Variants in PCGF1 observed in about 807,000 individuals in gnomAD.
PCGF1 encodes polycomb group RING finger protein 1.
PCGF1 carries 10 observed loss-of-function variants against 38.8 expected under a neutral mutation model. The observed-to-expected ratio is 0.26, with a 90% CI of 0.16 to 0.44. The LOEUF is 0.44. Among genes scored for constraint, PCGF1 ranks in the 20% least tolerant of loss-of-function variants. PCGF1 has a pLI of 1.00. For missense variants in PCGF1, 230 were observed against 331.5 expected, an observed-to-expected ratio of 0.69 and a Z score of 2.38; for synonymous variants, 119 against 121.3, an observed-to-expected ratio of 0.98 and a Z score of 0.12.
At chr2:74,506,906 T>A in intron 2 of PCGF1, 22 bp from the exon 3 acceptor site, 2 of 1,613,964 alleles carry the variant, frequency 1.2e-6, no homozygotes, top group Non-Finnish European at 1.7e-6. Context: ...GAAAAGCAGA[T>A]TCTCAGGCCC....
chr2:74,505,230 T>A (rs1674598124), intron 8 of PCGF1, 40 bp from the exon 9 acceptor site: 1 of 1,567,868 alleles, frequency 6.4e-7, no homozygotes. Flanking sequence ...GTGGGGAATG[T>A]TCTTATATTA....
chr2:74,506,693 G>C, intron 3 of PCGF1, 39 bp downstream of exon 3: 1 of 1,610,510 alleles, frequency 6.2e-7, no homozygotes, highest in South Asian at 1.1e-5. Context: ...TCAGCAATTA[G>C]TCCTCAAGAG....
intron 6 of PCGF1, 39 bp downstream of exon 6, chr2:74,505,698 G>A (rs1019802954): frequency 3.7e-6 from 6 of 1,613,946 alleles, no homozygotes; most frequent in Middle Eastern, 1.6e-4. Flanking sequence ...CATGGGAGGT[G>A]AGTCTCCTTA....
chr2:74,506,051 G>A lies in PCGF1; in HGVS notation c.431C>T (p.Ala144Val), dbSNP rs778673634. The change falls in exon 5 of 9, where the codon GCA becomes GTA. Residue 144 changes from alanine to valine, a missense_variant. By Grantham distance (64) the Ala-to-Val change is moderately conservative (BLOSUM62 0). Around this residue, in one of 3 missense-constraint regions of PCGF1, gnomAD observed 144 missense variants for 182.4 expected, o/e 0.79. Coordinates refer to ENST00000233630, the MANE Select transcript of PCGF1 (RefSeq NM_032673.3). ...RVTQPTGEEP[A>V]LSNLGLPFSS... ...GAAGGGGAGGCCGAGGTTGCTCAGT[G>A]CTGGCTCTGAGAAAGATAGGGTAGT... 1.9e-6 allele frequency: 3 copies of A among 1,614,086 alleles called. No homozygotes were observed. In the African/African-American group the frequency reaches 4.0e-5, roughly 22 times the overall value.
intron 1 of PCGF1, 83 bp downstream of exon 1, chr2:74,507,493 C>T: frequency 2.0e-6 from 3 of 1,523,984 alleles, no homozygotes; most frequent in East Asian, 2.5e-5. Flanking sequence ...GCACTGGGCG[C>T]CCGGCCAGCC....
In PCGF1 at chr2:74,506,167, G is replaced by A. The variant is rs758352040; in HGVS notation, c.424+14C>T. 18 of 1,613,906 alleles carry A rather than the reference G, an allele frequency of 1.1e-5. No individual in the cohort carries two copies. In the Admixed American group the frequency reaches 1.2e-4, roughly 10 times the overall value. ...TGCTCTGGGGTCTTTACTGTCCCGC[G>A]GCCAAGGACATACCTTCCCCAGTGG... On this transcript the variant is annotated intron_variant, in intron 4 of 8. Transcript: ENST00000233630.
rs1674675113 is a variant in PCGF1, at chr2:74,507,693, A to C, written c.-25T>G. On this transcript the variant is annotated 5_prime_UTR_variant, in exon 1 of 9. Transcript: ENST00000233630. ...TCTTAAAGGCTGATCCCAGCCGGCC[A>C]CTTCCGGTGCCGCCTGCAGGGCGGG... 9.0e-6 allele frequency: 14 copies of C among 1,549,536 alleles called. No homozygotes were observed. The East Asian group carries it at 3.4e-4, about 38-fold the overall frequency.
Position 74,505,161 on chromosome 2 carries a change from C to T in PCGF1, c.762G>A (p.Val254=). 2 of 1,527,256 alleles carry T rather than the reference C, an allele frequency of 1.3e-6. No individual in the cohort carries two copies. The highest frequency in any genetic ancestry group is 8.8e-7 in the Non-Finnish European group (1 of 1,137,428). The allele number at this position is 1,527,256 out of a possible 1,614,324, so 94.6% of individuals were successfully genotyped here. A position where few individuals can be genotyped will look rare whatever the true frequency, so the allele number is the denominator to read the frequency against. Residue 254 remains valine, a synonymous_variant, in exon 9 of 9, where the codon GTG becomes GTA. Transcript: ENST00000233630. ...TTGGCCCCTACCTCCTCTTCTCTTT[C>T]ACACTGTATTGTAAAAGCAAAGGGG... The part of the protein sequence containing the change: ...KPSPLLLQYS[V]KEKRR
At chr2:74,507,252 C>CGCGCCCT (rs1457073878) in intron 1 of PCGF1, 105 bp from the exon 2 acceptor site, 14 of 1,487,732 alleles carry the variant, frequency 9.4e-6, no homozygotes, top group African/African-American at 4.2e-5. Flanking sequence ...GGCCAAGCCC[C>CGCGCCCT]GCGCCCTGCG....
Position 74,505,606 on chromosome 2 carries a change from C to T in PCGF1, c.597G>A (p.Glu199=). 1 of 1,614,102 alleles carries T rather than the reference C, an allele frequency of 6.2e-7. No individual in the cohort carries two copies. Among genetic ancestry groups the T allele is most frequent in the Non-Finnish European group, 8.5e-7 (1 of 1,180,012 alleles). Residue 199 remains glutamate (E), a synonymous_variant, in exon 7 of 9, where the codon GAG becomes GAA. Transcript: ENST00000233630. The stretch of plus-strand genomic sequence containing the variant: ...ACAGGACCCTCCGGAGATGGCGTAC[C>T]TCAGCTCTAACAGAACATCGGACAT... ...NKYVRCSVRA[E]VRHLRRVLCH... is the part of the protein sequence containing the mutation.
At chr2:74,507,382 C>G in intron 1 of PCGF1, 194 bp downstream of exon 1, 1 of 1,453,928 alleles carries the variant, frequency 6.9e-7, no homozygotes, top group Non-Finnish European at 9.0e-7. Flanking sequence ...CCAGGGGAGA[C>G]TACACAACGT....
In PCGF1 at chr2:74,507,086, C is replaced by G; in HGVS notation, c.155G>C (p.Gly52Ala). ...GATGGTGGTGGCATCCACGAAGTAG[C>G]CGGCGCATAGGCAGCAAACAATGTG... is the stretch of plus-strand genomic sequence containing the variant. ...NEHIVCCLCA[G>A]YFVDATTITE... The change falls in exon 2 of 9, where the codon GGC becomes GCC. Residue 52 changes from glycine to alanine, a missense_variant. By Grantham distance (60) the Gly-to-Ala change is moderately conservative. This residue lies in a region of PCGF1 where 40 missense variants were observed against 113.2 expected (regional missense o/e 0.35). Coordinates refer to ENST00000233630, the MANE Select transcript of PCGF1 (RefSeq NM_032673.3). 6.2e-7 allele frequency: 1 copy of G among 1,614,228 alleles called. No individual in the cohort carries two copies. The highest frequency in any genetic ancestry group is 8.5e-7 in the Non-Finnish European group (1 of 1,180,032).
rs751215052 is a variant in PCGF1, at chr2:74,505,223, G to A, written c.733-33C>T. ...GAGAATGAGGAAGTAGTAGTCAGTG[G>A]GGAATGTTCTTATATTATTCAAAGG... On this transcript the variant is annotated intron_variant, in intron 8 of 8. Coordinates refer to ENST00000233630, the MANE Select transcript of PCGF1 (RefSeq NM_032673.3). The A allele has an allele frequency of 1.1e-5, 17 of 1,565,016 alleles. No homozygotes were observed. In the African/African-American group the frequency reaches 1.1e-4, roughly 10 times the overall value.
Position 74,506,253 on chromosome 2 carries a change from C to T in PCGF1, c.353-1G>A. On this transcript the variant is annotated splice_acceptor_variant, in intron 3 of 8. Transcript: ENST00000233630. LOFTEE classifies it high-confidence loss of function. Reference sequence around the variant, plus strand: ...AATTCCCGAATCCGTTTCTCTTCACCTAGAAGAAGGTGAAGTATGAGAATA... The same window carrying T: ...AATTCCCGAATCCGTTTCTCTTCACTTAGAAGAAGGTGAAGTATGAGAATA... The T allele has an allele frequency of 1.2e-6, 2 of 1,613,926 alleles. No homozygotes were observed. The highest frequency in any genetic ancestry group is 1.7e-6 in the Non-Finnish European group (2 of 1,179,990).
intron 8 of PCGF1, 34 bp downstream of exon 8, chr2:74,505,305 G>C (rs372094024): frequency 4.4e-6 from 7 of 1,591,918 alleles, no homozygotes; most frequent in African/African-American, 1.3e-5. Context: ...GAGTCTGAAG[G>C]GGGTGTGATC....
Position 74,506,656 on chromosome 2 carries a change from A to C in PCGF1, c.352+76T>G, listed in dbSNP as rs900815003. On this transcript the variant is annotated intron_variant, in intron 3 of 8. Transcript: ENST00000233630. Reference sequence around the variant, plus strand: ...TTGGCCTTCTGCCTACGTGAGTCCTACCAAACCCGTCACCTCAAGCTGCCA... The same window carrying C: ...TTGGCCTTCTGCCTACGTGAGTCCTCCCAAACCCGTCACCTCAAGCTGCCA... The C allele has an allele frequency of 6.5e-6, 10 of 1,546,982 alleles. No individual in the cohort carries two copies. The African/African-American group carries it at 1.2e-4, about 19-fold the overall frequency.
At chr2:74,507,447 ACGCAGGCGCACTGGGCACTCTGTCTCTG>A (rs1173510663) in intron 1 of PCGF1, 101 bp downstream of exon 1, 10 of 1,471,920 alleles carry the variant, frequency 6.8e-6, no homozygotes, top group African/African-American at 5.6e-5. Context: ...GATCGCAACC[ACGCAGGCGCACTGGGCACTCTGTCTCTG>A]CGCAGGCGCA....
chr2:74,505,290 G>T (rs1319435612), intron 8 of PCGF1, 49 bp downstream of exon 8: 3 of 1,582,612 alleles, frequency 1.9e-6, no homozygotes, highest in Non-Finnish European at 1.7e-6. Flanking sequence ...TAGGATGGTT[G>T]GGGGGAGTCT....
At chr2:74,507,357 C>T in intron 1 of PCGF1, 2 of 1,452,402 alleles carry the variant, frequency 1.4e-6, no homozygotes, top group Non-Finnish European at 1.8e-6. Flanking sequence ...CGTGGACTCG[C>T]CTGACCCTCC....
Sources: allele counts gnomAD v4.1 joint callset, GRCh38; gene constraint gnomAD v4.1.1; regional missense constraint gnomAD v4.1.1; transcripts MANE v1.5; gene names NCBI Gene and HGNC (gene_info 2026-07-23, HGNC 2026-07-21).